The following TF variants were observed in gnomAD, a reference collection of about 807,000 sequenced individuals.
TF encodes serotransferrin.
TF carries 55 observed loss-of-function variants against 82.4 expected under a neutral mutation model. That is an observed-to-expected ratio of 0.67 (90% CI 0.54 to 0.84). The LOEUF (loss-of-function observed/expected upper bound fraction) is 0.84, where lower values mean the gene tolerates loss of function less well. Ranked by LOEUF, TF falls within the 40% of genes least tolerant of loss-of-function variation. The pLI, the probability that TF is intolerant of heterozygous loss-of-function variation, is 0.00. For missense variants in TF, 737 were observed against 868.4 expected, an observed-to-expected ratio of 0.85 and a Z score of 1.90; for synonymous variants, 332 against 332.6, an observed-to-expected ratio of 1.00 and a Z score of 0.02.
At chr3:133,730,012 G>A in the TF span, among the ~76,000 whole-genome samples, 9 of 152,018 alleles carry the variant, frequency 5.9e-5, no homozygotes, top group Non-Finnish European at 1.2e-4. Flanking sequence ...ATTTATTGTG[G>A]TGTCATATTC....
the TF span, chr3:133,701,342 T>C: frequency 6.6e-6 from 1 of 152,218 alleles, no homozygotes; most frequent in Non-Finnish European, 1.5e-5. Flanking sequence ...AGTATAAAAA[T>C]AGTCCATCTT....
At chr3:133,749,349 C>T (rs1933599613) in intron 2 of TF, among the ~76,000 whole-genome samples, 1 of 152,158 alleles carries the variant, frequency 6.6e-6, no homozygotes, top group Non-Finnish European at 1.5e-5. Context: ...TTCAACGTTG[C>T]CCCTGCCCAT....
At position 133,796,554 on chromosome 3, in the gene TF, C is replaced by G. The variant is rs1028890511; in HGVS notation, c.*17934C>G. 3.3e-5 allele frequency: 5 copies of G among 152,256 alleles called. No individual in the cohort carries two copies. Among genetic ancestry groups the G allele is most frequent in the Non-Finnish European group, 5.9e-5 (4 of 68,054 alleles). 9.4% of individuals were successfully genotyped at this position (152,256 alleles called of 1,614,324 possible). A position where few individuals can be genotyped will look rare whatever the true frequency, so the allele number is the denominator to read the frequency against. On this transcript the variant is annotated 3_prime_UTR_variant, in exon 17 of 17. Coordinates refer to ENST00000402696, the MANE Select transcript of TF (RefSeq NM_001063.4). ...ATTTAAACCCCAGAAAATTCTGTAA[C>G]CGGGCTATTGAGCCCCTATGCTCAA...
chr3:133,682,053 G>C, the TF span, among the ~76,000 whole-genome samples: 2 of 150,314 alleles, frequency 1.3e-5, no homozygotes, highest in African/African-American at 4.8e-5. Context: ...AATATTTGCT[G>C]TTCTGCAGGC....
the TF span, among the ~76,000 whole-genome samples, chr3:133,667,189 T>C: frequency 1.3e-5 from 2 of 151,984 alleles, no homozygotes; most frequent in South Asian, 2.1e-4. Context: ...AAAAAAAGTT[T>C]TGTTGTTTTT....
chr3:133,793,624 TTA>T lies in TF; in HGVS notation c.*15006_*15007del, dbSNP rs895002708. The T allele has an allele frequency of 1.3e-5, 2 of 152,216 alleles. No homozygotes were observed. The highest frequency in any genetic ancestry group is 4.8e-5 in the African/African-American group (2 of 41,474). 9.4% of individuals were successfully genotyped at this position (152,216 alleles called of 1,614,324 possible). A position where few individuals can be genotyped will look rare whatever the true frequency, so the allele number is the denominator to read the frequency against. On this transcript the variant is annotated 3_prime_UTR_variant, in exon 17 of 17. Transcript: ENST00000402696. ...ATGCTATCAATCATAATTATGATTA[TTA>T]TGTTATTGTAGACCACAGAAATAAC...
chr3:133,717,127 T>C, the TF span, among the ~76,000 whole-genome samples: 2 of 152,228 alleles, frequency 1.3e-5, no homozygotes, highest in Non-Finnish European at 2.9e-5. Context: ...TAGCTTGCTA[T>C]ATATTTTCTC....
chr3:133,725,293 G>C, the TF span, among the ~76,000 whole-genome samples: 1 of 152,236 alleles, frequency 6.6e-6, no homozygotes, highest in Non-Finnish European at 1.5e-5. Context: ...CATGAGCATG[G>C]AAGGTTCTTC....
Position 133,782,134 on chromosome 3 carries a change from CA to C in TF, c.*3518del, listed in dbSNP as rs1236552339. 2.0e-5 allele frequency: 3 copies of C among 151,918 alleles called. No homozygotes were observed. The highest frequency in any genetic ancestry group is 7.3e-5 in the African/African-American group (3 of 41,358). The allele number at this position is 151,918 out of a possible 1,614,324, so 9.4% of individuals were successfully genotyped here. On this transcript the variant is annotated 3_prime_UTR_variant, in exon 17 of 17. Transcript: ENST00000402696. ...AATAGGATGACTATTATCAAAAAGTCAAAAGATATTAATCATAAACGTGGAT... is the reference window on the plus strand; with the variant it reads ...AATAGGATGACTATTATCAAAAAGTCAAAGATATTAATCATAAACGTGGAT...
At chr3:133,736,631 C>CTAAAAAA in the TF span, among the ~76,000 whole-genome samples, 1 of 32,552 alleles carries the variant, frequency 3.1e-5, no homozygotes, top group Non-Finnish European at 5.4e-5. Flanking sequence ...AATGGAAAGC[C>CTAAAAAA]AAAAAAAAAA....
At position 133,757,970 on chromosome 3, in the gene TF, T is replaced by G. The variant is rs764064349; in HGVS notation, c.1048+24T>G. 3 of 1,613,360 alleles carry G rather than the reference T, an allele frequency of 1.9e-6. No individual in the cohort carries two copies. In the South Asian group the frequency reaches 3.3e-5, roughly 18 times the overall value. On this transcript the variant is annotated intron_variant, in intron 8 of 16. Transcript: ENST00000402696. ...ATGTGAGTACCTGGGAAGAACCAGG[T>G]GACCACAAGCACTTGGGAAACCTGG...
chr3:133,695,883 G>A, the TF span, among the ~76,000 whole-genome samples: 4 of 152,186 alleles, frequency 2.6e-5, no homozygotes, highest in Non-Finnish European at 1.5e-5. Flanking sequence ...GGTAGGTAAC[G>A]TAGACAGAGT....
At chr3:133,735,460 G>A in the TF span, among the ~76,000 whole-genome samples, 10,283 of 152,006 alleles carry the variant, frequency 0.068, 502 homozygotes, top group East Asian at 0.27. Context: ...TGAGTTTGAC[G>A]AATTGACAGA....
At chr3:133,736,529 A>G in the TF span, among the ~76,000 whole-genome samples, 2 of 150,706 alleles carry the variant, frequency 1.3e-5, no homozygotes, top group Non-Finnish European at 3.0e-5. Flanking sequence ...TAGAGTCAAG[A>G]CCCATCAGTG....
chr3:133,686,807 A>C, the TF span, among the ~76,000 whole-genome samples: 58 of 139,432 alleles, frequency 4.2e-4, no homozygotes, highest in African/African-American at 1.5e-3. Flanking sequence ...AGGATATAGA[A>C]CTAGAAGTAC....
the TF span, among the ~76,000 whole-genome samples, chr3:133,740,812 TAA>T: frequency 5.9e-5 from 9 of 152,052 alleles, no homozygotes; most frequent in South Asian, 1.9e-3. Flanking sequence ...TTGAGTTTCT[TAA>T]TTTAAAGTCT....
rs1487755016 is a variant in TF at position 133,788,136 on chromosome 3, A to C, written c.*9516A>C. ...GAGGCAGGAAACATAAAGCAGATTC[A>C]TGCAGACTTCCTAGAAATAAATGAA... On this transcript the variant is annotated 3_prime_UTR_variant, in exon 17 of 17. Transcript: ENST00000402696. The C allele has an allele frequency of 6.6e-6, 1 of 152,372 alleles. No individual in the cohort carries two copies. The highest frequency in any genetic ancestry group is 1.5e-5 in the Non-Finnish European group (1 of 68,146). The allele number at this position is 152,372 out of a possible 1,614,324, so 9.4% of individuals were successfully genotyped here. A position where few individuals can be genotyped will look rare whatever the true frequency, so the allele number is the denominator to read the frequency against.
At chr3:133,719,913 A>G in the TF span, among the ~76,000 whole-genome samples, 1 of 152,212 alleles carries the variant, frequency 6.6e-6, no homozygotes, top group East Asian at 1.9e-4. Context: ...GTTTATTATT[A>G]GCGTATGAAA....
chr3:133,766,579 C>T lies in TF; in HGVS notation c.1486+146C>T, dbSNP rs981774594. 6 of 1,119,674 alleles carry T rather than the reference C, an allele frequency of 5.4e-6. No individual in the cohort carries two copies. The African/African-American group carries it at 9.3e-5, about 17-fold the overall frequency. The allele number at this position is 1,119,674 out of a possible 1,614,324, so 69.4% of individuals were successfully genotyped here. ...GTCAAAGAACAGTAGAATTTGCTGT[C>T]CTCAAGGACATAGCAACAAGGGCTG... On this transcript the variant is annotated intron_variant, in intron 12 of 16. Transcript: ENST00000402696.
Sources: gnomAD v4.1 joint callset for allele counts (sites outside exome capture counted in the v4.1 genomes callset) on GRCh38, gnomAD v4.1.1 for gene constraint, MANE v1.5 for transcripts, NCBI Gene and HGNC (gene_info 2026-07-23, HGNC 2026-07-21) for gene names.